Variants in ATG14 observed in about 807,000 individuals in gnomAD.
The protein encoded by ATG14 is beclin 1-associated autophagy-related key regulator.
In ATG14, 35 loss-of-function variants were observed where a neutral mutation model predicts 60.4. The observed-to-expected ratio is 0.58, with a 90% CI of 0.44 to 0.77. The LOEUF (loss-of-function observed/expected upper bound fraction) is 0.77, where lower values mean the gene tolerates loss of function less well. ATG14 is among the 30% of genes least tolerant of loss of function. ATG14 has a pLI of 0.00. For synonymous variants in ATG14, 234 were observed against 228.8 expected, an observed-to-expected ratio of 1.02 and a Z score of -0.21; for missense variants, 647 against 626.3, an observed-to-expected ratio of 1.03 and a Z score of -0.35.
intron 9 of ATG14, 102 bp from the exon 10 acceptor site, chr14:55,370,027 C>A: frequency 9.0e-7 from 1 of 1,116,714 alleles, no homozygotes; most frequent in Non-Finnish European, 1.3e-6. Context: ...ATGAGGGACG[C>A]CGCACACCCC....
At chr14:55,405,451 CATAATT>C (rs1282878449) in intron 1 of ATG14, among the ~76,000 whole-genome samples, 1 of 152,146 alleles carries the variant, frequency 6.6e-6, no homozygotes, top group East Asian at 1.9e-4. Flanking sequence ...TTCCTGAAAA[CATAATT>C]ATAAAGTAGT....
chr14:55,369,974 A>G, intron 9 of ATG14, 49 bp from the exon 10 acceptor site: 1 of 1,508,144 alleles, frequency 6.6e-7, no homozygotes, highest in Non-Finnish European at 8.9e-7. Flanking sequence ...CATTCTCAAC[A>G]CCAGAAAATA....
At chr14:55,387,349 A>G (rs1885141886) in intron 4 of ATG14, among the ~76,000 whole-genome samples, 1 of 152,208 alleles carries the variant, frequency 6.6e-6, no homozygotes, top group Non-Finnish European at 1.5e-5. Context: ...ATGAATGCTG[A>G]ATCAGTTATC....
At chr14:55,379,865 C>T (rs1038259069) in intron 7 of ATG14, among the ~76,000 whole-genome samples, 3 of 152,136 alleles carry the variant, frequency 2.0e-5, no homozygotes, top group Admixed American at 1.3e-4. Flanking sequence ...GGGATACAGG[C>T]GCAGGCCACC....
In ATG14 at chr14:55,366,780, T is replaced by C. The variant is rs1464932812; in HGVS notation, c.*2839A>G. 1 of 152,674 alleles carries C rather than the reference T, an allele frequency of 6.5e-6. No homozygotes were observed. The highest frequency in any genetic ancestry group is 1.9e-4 in the East Asian group (1 of 5,198). 9.5% of individuals were successfully genotyped at this position (152,674 alleles called of 1,614,324 possible). A position where few individuals can be genotyped will look rare whatever the true frequency, so the allele number is the denominator to read the frequency against. ...AACATGACCAAGTTCTATGGCTTTT[T>C]GTTTAAACAAAATACCAGCTTCAAT... On this transcript the variant is annotated 3_prime_UTR_variant, in exon 10 of 10. Coordinates refer to ENST00000247178, the MANE Select transcript of ATG14 (RefSeq NM_014924.5).
intron 1 of ATG14, among the ~76,000 whole-genome samples, chr14:55,403,719 T>C (rs922942618): frequency 6.6e-6 from 1 of 152,160 alleles, no homozygotes; most frequent in Non-Finnish European, 1.5e-5. Flanking sequence ...ATAGTATGTA[T>C]TGTGTGATCC....
chr14:55,383,585 C>CA (rs202090086), intron 5 of ATG14, among the ~76,000 whole-genome samples: 16 of 148,370 alleles, frequency 1.1e-4, no homozygotes, highest in Admixed American at 3.3e-4. Context: ...ACAACAACAA[C>CA]AACAAAAAAA....
At chr14:55,407,959 T>C (rs150138809) in intron 1 of ATG14, among the ~76,000 whole-genome samples, 10 of 152,208 alleles carry the variant, frequency 6.6e-5, no homozygotes, top group African/African-American at 1.9e-4. Flanking sequence ...GGAAGTTTCA[T>C]GTGACTGAGG....
intron 5 of ATG14, among the ~76,000 whole-genome samples, chr14:55,382,718 C>T (rs1885056961): frequency 6.6e-6 from 1 of 152,126 alleles, no homozygotes; most frequent in Admixed American, 6.5e-5. Context: ...CCAGCTGTGG[C>T]ACAGAAGCCC....
At chr14:55,391,019 C>T (rs1885206674) in intron 3 of ATG14, 27 bp from the exon 4 acceptor site, 2 of 1,527,104 alleles carry the variant, frequency 1.3e-6, no homozygotes, top group African/African-American at 1.4e-5. Flanking sequence ...ATAAATATCA[C>T]AAACGTTGGT....
At chr14:55,389,686 C>G (rs75285274) in intron 4 of ATG14, among the ~76,000 whole-genome samples, 8,853 of 152,236 alleles carry the variant, frequency 0.058, 326 homozygotes, top group South Asian at 0.09. Flanking sequence ...CTCTTTGAGT[C>G]TGAAGTAAAT....
intron 1 of ATG14, among the ~76,000 whole-genome samples, chr14:55,400,870 C>G (rs1885386270): frequency 6.6e-6 from 1 of 151,584 alleles, no homozygotes; most frequent in Admixed American, 6.6e-5. Context: ...CGTCACTGCA[C>G]TCCAGCCTGG....
At chr14:55,384,283 G>T (rs1885086883) in intron 5 of ATG14, among the ~76,000 whole-genome samples, 1 of 152,168 alleles carries the variant, frequency 6.6e-6, no homozygotes, top group Non-Finnish European at 1.5e-5. Flanking sequence ...AAAAAAGTCA[G>T]CCTTACAGAA....
At chr14:55,372,337 T>A (rs1011934002) in intron 9 of ATG14, among the ~76,000 whole-genome samples, 1 of 152,146 alleles carries the variant, frequency 6.6e-6, no homozygotes, top group African/African-American at 2.4e-5. Context: ...TCTCTCCTCC[T>A]GGCACGCACC....
chr14:55,378,189 A>G (rs1884957302), intron 7 of ATG14, 115 bp from the exon 8 acceptor site: 1 of 780,926 alleles, frequency 1.3e-6, no homozygotes, highest in Non-Finnish European at 2.1e-6. Context: ...TTTACTCCTT[A>G]GTAAATTGCA....
chr14:55,377,676 G>T, intron 9 of ATG14, 143 bp downstream of exon 9: 1 of 475,054 alleles, frequency 2.1e-6, no homozygotes, highest in Non-Finnish European at 3.7e-6. Flanking sequence ...AATTACCTTT[G>T]TTTCTTTCTG....
intron 4 of ATG14, among the ~76,000 whole-genome samples, chr14:55,390,587 G>A (rs1232147645): frequency 1.3e-5 from 2 of 151,602 alleles, no homozygotes; most frequent in Non-Finnish European, 2.9e-5. Flanking sequence ...TAGTCAGGAT[G>A]GTCTCGATCT....
intron 4 of ATG14, among the ~76,000 whole-genome samples, chr14:55,390,376 TTTTA>T: frequency 6.7e-6 from 1 of 150,314 alleles, no homozygotes; most frequent in African/African-American, 2.5e-5. Context: ...TGGCCAACTT[TTTTA>T]TTTTTTTCTT....
At chr14:55,378,690 TC>T (rs1884968694) in intron 7 of ATG14, among the ~76,000 whole-genome samples, 1 of 151,554 alleles carries the variant, frequency 6.6e-6, no homozygotes, top group Admixed American at 6.6e-5. Context: ...CTCACCACAT[TC>T]CCTCTTACCT....
Sources: allele counts gnomAD v4.1 joint callset (sites outside exome capture counted in the v4.1 genomes callset), GRCh38; gene constraint gnomAD v4.1.1; transcripts MANE v1.5; gene names NCBI Gene and HGNC (gene_info 2026-07-23, HGNC 2026-07-21).